Variants in MPPED2 observed in about 807,000 individuals in gnomAD.
The protein encoded by MPPED2 is metallophosphoesterase domain containing 2.
MPPED2 carries 5 observed loss-of-function variants against 33.0 expected under a neutral mutation model. That is an observed-to-expected ratio of 0.15 (90% confidence interval 0.08 to 0.32). MPPED2 has a LOEUF of 0.32. MPPED2 is among the 10% of genes least tolerant of loss of function. The pLI is 1.00. For missense variants in MPPED2, 275 were observed against 372.1 expected, an observed-to-expected ratio of 0.74 and a Z score of 2.15; for synonymous variants, 136 against 141.9, an observed-to-expected ratio of 0.96 and a Z score of 0.29.
At position 30,403,665 on chromosome 11, in the gene MPPED2, G is replaced by A. The variant is rs140381132; in HGVS notation, c.766+10563C>T. Among the ~76,000 whole-genome samples the A allele has an allele frequency of 6.9e-4, 105 of 152,196 alleles. 3 individuals carry two copies. In the East Asian group the frequency reaches 0.019, roughly 27 times the overall value. On this transcript the variant is annotated intron_variant, in intron 6 of 6. Transcript: ENST00000448418. ...ATCTTTTATCTTCATTATCACCATCGTCTAATGAAACAAAAGGTATGTGGA... is the reference window on the plus strand; with the variant it reads ...ATCTTTTATCTTCATTATCACCATCATCTAATGAAACAAAAGGTATGTGGA...
intron 2 of MPPED2, among the ~76,000 whole-genome samples, chr11:30,539,076 A>G (rs1273693011): frequency 1.3e-5 from 2 of 152,124 alleles, no homozygotes; most frequent in African/African-American, 2.4e-5. Flanking sequence ...TCCAGTGGAG[A>G]TAATTAAAAC....
intron 2 of MPPED2, among the ~76,000 whole-genome samples, chr11:30,560,417 C>G (rs555705526): frequency 1.3e-5 from 2 of 151,852 alleles, no homozygotes; most frequent in Non-Finnish European, 2.9e-5. Flanking sequence ...TCTTAGTAAG[C>G]AGAAGTTGTC....
At position 30,506,235 on chromosome 11, in the gene MPPED2, C is replaced by T. The variant is rs563385526; in HGVS notation, c.311-10714G>A. The stretch of plus-strand genomic sequence containing the variant: ...TATATTTTTAGTAGAGACAGGGTTT[C>T]GCAATGTTGGCCAGGCTGGTTTCAA... On this transcript the variant is annotated intron_variant, in intron 3 of 6. Transcript: ENST00000358117. Among the ~76,000 whole-genome samples the T allele has an allele frequency of 1.6e-3, 249 of 152,104 alleles. 1 individual carries two copies. The highest frequency in any genetic ancestry group is 3.0e-3 in the Non-Finnish European group (207 of 67,990).
At chr11:30,571,477 A>T (rs922349213) in intron 2 of MPPED2, among the ~76,000 whole-genome samples, 1 of 152,110 alleles carries the variant, frequency 6.6e-6, no homozygotes, top group Non-Finnish European at 1.5e-5. Context: ...TACCTTTTAC[A>T]TTAAATAACA....
At chr11:30,493,851 TCAC>T (rs951909439) in intron 4 of MPPED2, among the ~76,000 whole-genome samples, 1 of 152,202 alleles carries the variant, frequency 6.6e-6, no homozygotes, top group Non-Finnish European at 1.5e-5. Flanking sequence ...GGTATCATCT[TCAC>T]CATCTTAGAG....
At chr11:30,515,610 T>C (rs12419132) in intron 3 of MPPED2, among the ~76,000 whole-genome samples, 15,556 of 152,204 alleles carry the variant, frequency 0.1, 932 homozygotes, top group East Asian at 0.23. Flanking sequence ...CTTCACAAGT[T>C]AACCACACCA....
intron 3 of MPPED2, among the ~76,000 whole-genome samples, chr11:30,531,180 A>G (rs961935661): frequency 6.6e-6 from 1 of 152,242 alleles, no homozygotes; most frequent in East Asian, 1.9e-4. Context: ...CACTTTAAAA[A>G]GTATTTCTTT....
chr11:30,494,737 C>CAAAAA (rs767500886), intron 4 of MPPED2, among the ~76,000 whole-genome samples: 125 of 47,364 alleles, frequency 2.6e-3, no homozygotes, highest in East Asian at 4.1e-3. Flanking sequence ...TACTCCACCT[C>CAAAAA]AAAAAAAAAA....
intron 2 of MPPED2, among the ~76,000 whole-genome samples, chr11:30,575,577 A>G (rs1299691811): frequency 6.6e-6 from 1 of 152,232 alleles, no homozygotes; most frequent in East Asian, 1.9e-4. Flanking sequence ...TCCCCAGCCC[A>G]AGCTGTGCCT....
chr11:30,441,721 G>A (rs1407189983), intron 4 of MPPED2, among the ~76,000 whole-genome samples: 2 of 152,226 alleles, frequency 1.3e-5, no homozygotes, highest in Non-Finnish European at 1.5e-5. Context: ...CAGCATGACA[G>A]CCTTCATTCT....
chr11:30,427,243 A>C (rs1948880232), intron 4 of MPPED2, among the ~76,000 whole-genome samples: 1 of 152,250 alleles, frequency 6.6e-6, no homozygotes, highest in African/African-American at 2.4e-5. Context: ...GATGTTAATA[A>C]ACAAGTAGGA....
chr11:30,512,585 GA>G (rs1953280159), intron 3 of MPPED2, among the ~76,000 whole-genome samples: 1 of 152,126 alleles, frequency 6.6e-6, no homozygotes. Flanking sequence ...AGGGCCCTTG[GA>G]AAAATCACTG....
At chr11:30,562,384 G>T (rs1202361779) in intron 2 of MPPED2, among the ~76,000 whole-genome samples, 1 of 152,126 alleles carries the variant, frequency 6.6e-6, no homozygotes, top group Non-Finnish European at 1.5e-5. Context: ...ATCTTCCAGG[G>T]CAGAAAATAG....
chr11:30,567,972 A>G (rs890112083), intron 2 of MPPED2, among the ~76,000 whole-genome samples: 2 of 152,204 alleles, frequency 1.3e-5, no homozygotes, highest in Non-Finnish European at 2.9e-5. Context: ...AAACAGACAC[A>G]CCAAACTTAA....
chr11:30,536,863 C>G (rs1812402465), intron 2 of MPPED2, among the ~76,000 whole-genome samples: 1 of 151,944 alleles, frequency 6.6e-6, no homozygotes. Context: ...ATCTGCAGTC[C>G]CAGTTACACC....
At chr11:30,470,876 A>G (rs1590409883) in intron 4 of MPPED2, among the ~76,000 whole-genome samples, 1 of 152,180 alleles carries the variant, frequency 6.6e-6, no homozygotes, top group East Asian at 1.9e-4. Context: ...GCATAGACCA[A>G]TTTTTAACCT....
chr11:30,483,298 AG>A (rs1407732283), intron 4 of MPPED2, among the ~76,000 whole-genome samples: 3 of 152,254 alleles, frequency 2.0e-5, no homozygotes, highest in Non-Finnish European at 4.4e-5. Context: ...TCTGAAAAAC[AG>A]GAAGCATTAA....
Position 30,410,419 on chromosome 11 carries a change from G to T in MPPED2, c.*1049C>A, listed in dbSNP as rs557517396. On this transcript the variant is annotated 3_prime_UTR_variant, in exon 7 of 7. Coordinates refer to ENST00000358117, the MANE Select transcript of MPPED2 (RefSeq NM_001584.3). ...ATTTTGTGCTAGCGAAGATTGCATC[G>T]ACACACAGTGCAAAATGGGAGAGGG... 1.0e-6 allele frequency: 1 copy of T among 985,210 alleles called. No individual in the cohort carries two copies. The allele number at this position is 985,210 out of a possible 1,614,324, so 61.0% of individuals were successfully genotyped here.
At position 30,410,427 on chromosome 11, in the gene MPPED2, G is replaced by A; in HGVS notation, c.*1041C>T. 1 of 981,982 alleles carries A rather than the reference G, an allele frequency of 1.0e-6. No individual in the cohort carries two copies. Among genetic ancestry groups the A allele is most frequent in the Non-Finnish European group, 1.2e-6 (1 of 827,912 alleles). The allele number at this position is 981,982 out of a possible 1,614,324, so 60.8% of individuals were successfully genotyped here. ...CTAGCGAAGATTGCATCGACACACA[G>A]TGCAAAATGGGAGAGGGGAGAGGAA... On this transcript the variant is annotated 3_prime_UTR_variant, in exon 7 of 7. Coordinates refer to ENST00000358117, the MANE Select transcript of MPPED2 (RefSeq NM_001584.3).
Sources: allele counts gnomAD v4.1 joint callset (sites outside exome capture counted in the v4.1 genomes callset), GRCh38; gene constraint gnomAD v4.1.1; transcripts MANE v1.5; gene names NCBI Gene and HGNC (gene_info 2026-07-23, HGNC 2026-07-21).